SEMA3A: variants seen among roughly 807,000 people sequenced by gnomAD.
SEMA3A encodes the protein semaphorin-3A.
Under a neutral mutation model 97.9 loss-of-function variants are expected in SEMA3A, and 29 were observed. That is an observed-to-expected ratio of 0.30 (90% CI 0.22 to 0.40). SEMA3A has a LOEUF of 0.40. SEMA3A is among the 10% of genes least tolerant of loss of function. SEMA3A has a pLI of 1.00. For synonymous variants in SEMA3A, 321 were observed against 323.7 expected, an observed-to-expected ratio of 0.99 and a Z score of 0.09; for missense variants, 763 against 951.3, an observed-to-expected ratio of 0.80 and a Z score of 2.60.
chr7:83,993,577 C>A, intron 12 of SEMA3A, among the ~76,000 whole-genome samples: 1 of 149,000 alleles, frequency 6.7e-6, no homozygotes, highest in Non-Finnish European at 1.5e-5. Context: ...GCTTATGAAG[C>A]TTACTTTGGC....
rs558892476 is a variant in SEMA3A at position 84,463,528 on chromosome 7, G to A, written c.-246+28932C>T. Among the ~76,000 whole-genome samples, 16 of 152,102 alleles carry A rather than the reference G, an allele frequency of 1.1e-4. No individual in the cohort carries two copies. The South Asian group carries it at 2.9e-3, about 28-fold the overall frequency. ...CTCCCAAAGTGCTGGGATTACAGGCGTGAGCCACCGCGCCTGGCGTTTTTT... is the reference window on the plus strand; with the variant it reads ...CTCCCAAAGTGCTGGGATTACAGGCATGAGCCACCGCGCCTGGCGTTTTTT... On this transcript the variant is annotated intron_variant, in intron 1 of 3. Coordinates refer to the SEMA3A transcript ENST00000424555.
chr7:83,968,217 C>G (rs552092351), intron 15 of SEMA3A, among the ~76,000 whole-genome samples: 88 of 152,250 alleles, frequency 5.8e-4, no homozygotes, highest in Middle Eastern at 3.4e-3. Flanking sequence ...GATATAAAAT[C>G]TTTTTCTGGA....
chr7:84,067,064 C>T (rs1256997859), intron 4 of SEMA3A, among the ~76,000 whole-genome samples: 7 of 152,030 alleles, frequency 4.6e-5, no homozygotes, highest in Non-Finnish European at 7.4e-5. Flanking sequence ...GTACTGCTAC[C>T]AAAACAGAGA....
intron 4 of SEMA3A, among the ~76,000 whole-genome samples, chr7:84,085,371 T>A (rs1794299692): frequency 6.6e-6 from 1 of 151,162 alleles, no homozygotes; most frequent in African/African-American, 2.4e-5. Context: ...GATTTGAAAC[T>A]GACCATAAAA....
At chr7:84,076,607 T>A (rs1793959792) in intron 4 of SEMA3A, among the ~76,000 whole-genome samples, 1 of 152,152 alleles carries the variant, frequency 6.6e-6, no homozygotes, top group African/African-American at 2.4e-5. Context: ...TGAACTGAAT[T>A]TACCATGACA....
At chr7:84,201,019 C>G (rs1172981335) in intron 3 of SEMA3A, among the ~76,000 whole-genome samples, 1 of 151,878 alleles carries the variant, frequency 6.6e-6, no homozygotes, top group African/African-American at 2.4e-5. Flanking sequence ...AAAGGCATAT[C>G]ACACACATTT....
chr7:83,999,065 C>CAATGT (rs2116378076), intron 12 of SEMA3A, among the ~76,000 whole-genome samples: 1 of 152,128 alleles, frequency 6.6e-6, no homozygotes, highest in South Asian at 2.1e-4. Flanking sequence ...AGAAGGAGTA[C>CAATGT]AATGTAAAAT....
intron 3 of SEMA3A, among the ~76,000 whole-genome samples, chr7:84,280,587 C>G (rs559084315): frequency 1.1e-4 from 16 of 152,100 alleles, no homozygotes; most frequent in African/African-American, 3.6e-4. Flanking sequence ...AGTTCAAGAC[C>G]AGCCTGGCCA....
chr7:84,129,426 T>C (rs1174047269), intron 2 of SEMA3A, among the ~76,000 whole-genome samples: 1 of 152,172 alleles, frequency 6.6e-6, no homozygotes, highest in Non-Finnish European at 1.5e-5. Context: ...AGAGAGAAAC[T>C]GGTGTAGACA....
chr7:84,390,778 G>A (rs997000409), intron 1 of SEMA3A, among the ~76,000 whole-genome samples: 1 of 152,066 alleles, frequency 6.6e-6, no homozygotes, highest in African/African-American at 2.4e-5. Context: ...TTCTCGAACT[G>A]TTAACTGAAT....
intron 15 of SEMA3A, among the ~76,000 whole-genome samples, 196 bp from the exon 16 acceptor site, chr7:83,963,543 G>A (rs985048784): frequency 3.3e-5 from 5 of 152,242 alleles, no homozygotes; most frequent in Admixed American, 3.3e-4. Flanking sequence ...AATCATTTTG[G>A]TATGGGTTAT....
intron 3 of SEMA3A, among the ~76,000 whole-genome samples, chr7:84,267,790 T>C (rs1562879191): frequency 6.6e-6 from 1 of 152,150 alleles, no homozygotes; most frequent in Non-Finnish European, 1.5e-5. Flanking sequence ...ATAGACTACT[T>C]AACCAAATTA....
At chr7:84,453,944 TAAAG>T in intron 1 of SEMA3A, among the ~76,000 whole-genome samples, 1 of 152,306 alleles carries the variant, frequency 6.6e-6, no homozygotes, top group South Asian at 2.1e-4. Flanking sequence ...TATTGCAAGA[TAAAG>T]AAAACTACTG....
intron 4 of SEMA3A, among the ~76,000 whole-genome samples, chr7:84,068,338 G>A (rs1793611801): frequency 6.8e-6 from 1 of 148,140 alleles, no homozygotes; most frequent in African/African-American, 2.5e-5. Flanking sequence ...ACGAGTTAGT[G>A]GGTGCAGCAC....
intron 15 of SEMA3A, among the ~76,000 whole-genome samples, chr7:83,974,323 T>C (rs1173670843): frequency 6.6e-6 from 1 of 152,148 alleles, no homozygotes; most frequent in African/African-American, 2.4e-5. Flanking sequence ...GAGTGTTAAA[T>C]GTTTCATCTA....
intron 1 of SEMA3A, among the ~76,000 whole-genome samples, chr7:84,152,947 C>T (rs1796724667): frequency 6.6e-6 from 1 of 151,970 alleles, no homozygotes; most frequent in African/African-American, 2.4e-5. Context: ...CCAATTATAA[C>T]TGTTATTTTA....
At chr7:84,449,990 C>T (rs1277350205) in intron 1 of SEMA3A, among the ~76,000 whole-genome samples, 1 of 152,120 alleles carries the variant, frequency 6.6e-6, no homozygotes, top group Non-Finnish European at 1.5e-5. Context: ...CATCCACATA[C>T]GTTTGGGTTG....
intron 1 of SEMA3A, among the ~76,000 whole-genome samples, chr7:84,482,748 C>T (rs1192886980): frequency 3.3e-5 from 5 of 152,134 alleles, no homozygotes; most frequent in Non-Finnish European, 5.9e-5. Context: ...AGCCTCTTCC[C>T]ACTGTTAAAG....
Position 84,013,941 on chromosome 7 carries a change from A to G in SEMA3A, c.810+268T>C, listed in dbSNP as rs3779442. ...ACCTTCTCCCAGGTAAAATAAAACC[A>G]TTTTGTTACTGTAGAATTTCAAACA... On this transcript the variant is annotated intron_variant, in intron 7 of 16. Coordinates refer to ENST00000265362, the MANE Select transcript of SEMA3A (RefSeq NM_006080.3). Among the ~76,000 whole-genome samples the G allele has an allele frequency of 1.5e-3, 223 of 152,266 alleles. 2 individuals carry two copies. In the East Asian group the frequency reaches 0.016, roughly 11 times the overall value.
Sources: gnomAD v4.1 joint callset for allele counts (sites outside exome capture counted in the v4.1 genomes callset) on GRCh38, gnomAD v4.1.1 for gene constraint, MANE v1.5 for transcripts, NCBI Gene and HGNC (gene_info 2026-07-23, HGNC 2026-07-21) for gene names.